GNA12: variants seen among roughly 807,000 people sequenced by gnomAD.
The protein encoded by GNA12 is G protein subunit alpha 12.
A neutral mutation model predicts 26.0 loss-of-function variants in GNA12; 9 were observed. That is an observed-to-expected ratio of 0.35 (90% confidence interval 0.21 to 0.60). The LOEUF (loss-of-function observed/expected upper bound fraction) is 0.60, where lower values mean the gene tolerates loss of function less well. Among genes scored for constraint, GNA12 ranks in the 20% least tolerant of loss-of-function variants. GNA12 has a pLI of 0.78. For synonymous variants in GNA12, 264 were observed against 219.6 expected (o/e 1.20, Z -1.79); for missense variants, 405 against 525.8 (o/e 0.77, Z 2.25).
chr7:2,804,420 G>A lies in GNA12; in HGVS notation c.310-9277C>T, dbSNP rs115859902. 2.6e-3 allele frequency among the ~76,000 whole-genome samples: 403 copies of A among 152,132 alleles called. 4 individuals are homozygous for A. Among genetic ancestry groups the A allele is most frequent in the African/African-American group, 8.7e-3 (363 of 41,508 alleles). ...AAACACACACGCGTGTACATACACC[G>A]GGTTCCTCTGGACTATGGTCTGAGT... On this transcript the variant is annotated intron_variant, in intron 1 of 3. Coordinates refer to ENST00000275364, the MANE Select transcript of GNA12 (RefSeq NM_007353.3).
chr7:2,840,452 C>G (rs538774414), intron 1 of GNA12, among the ~76,000 whole-genome samples: 1 of 152,182 alleles, frequency 6.6e-6, no homozygotes, highest in African/African-American at 2.4e-5. Flanking sequence ...GCACACAGTC[C>G]GTGCTCTAGA....
intron 2 of GNA12, among the ~76,000 whole-genome samples, chr7:2,748,977 G>C (rs1258502497): frequency 6.6e-6 from 1 of 152,214 alleles, no homozygotes; most frequent in Non-Finnish European, 1.5e-5. Flanking sequence ...TTTCACACCA[G>C]TTAGAATGGT....
intron 2 of GNA12, among the ~76,000 whole-genome samples, chr7:2,769,593 C>T (rs1306632194): frequency 1.3e-5 from 2 of 151,958 alleles, no homozygotes; most frequent in African/African-American, 2.4e-5. Context: ...ATTAGCCGGG[C>T]GTGGTGGCAG....
intron 2 of GNA12, among the ~76,000 whole-genome samples, chr7:2,733,717 G>T (rs1423121311): frequency 7.2e-5 from 11 of 152,196 alleles, no homozygotes; most frequent in Non-Finnish European, 1.6e-4. Flanking sequence ...CAACCCCAAG[G>T]TTCAAATTCT....
intron 1 of GNA12, among the ~76,000 whole-genome samples, chr7:2,837,908 T>C (rs966233204): frequency 6.6e-6 from 1 of 152,112 alleles, no homozygotes; most frequent in African/African-American, 2.4e-5. Flanking sequence ...CTACTCCTAA[T>C]GAGTTTTTAA....
At chr7:2,793,119 C>G (rs1160504941) in intron 2 of GNA12, among the ~76,000 whole-genome samples, 1 of 152,148 alleles carries the variant, frequency 6.6e-6, no homozygotes, top group African/African-American at 2.4e-5. Flanking sequence ...ACCAGACAAA[C>G]CCAAACAGGA....
At chr7:2,806,457 C>CAAAAAAAAAAAAAAAAAAAAA (rs34036056) in intron 1 of GNA12, among the ~76,000 whole-genome samples, 6 of 80,700 alleles carry the variant, frequency 7.4e-5, no homozygotes, top group African/African-American at 1.5e-4. Flanking sequence ...GACTCTGTCT[C>CAAAAAAAAAAAAAAAAAAAAA]AAAAAAAAAA....
At chr7:2,801,532 C>G (rs948649673) in intron 1 of GNA12, among the ~76,000 whole-genome samples, 3 of 152,202 alleles carry the variant, frequency 2.0e-5, no homozygotes, top group Non-Finnish European at 4.4e-5. Context: ...CCCAAGCAGG[C>G]TGGAGCTGGT....
At position 2,728,251 on chromosome 7, in the gene GNA12, C is replaced by T. The variant is rs969638194; in HGVS notation, c.*2930G>A. The T allele has an allele frequency of 6.6e-6, 1 of 152,302 alleles. No homozygotes were observed. The highest frequency in any genetic ancestry group is 1.5e-5 in the Non-Finnish European group (1 of 68,028). The allele number at this position is 152,302 out of a possible 1,614,324, so 9.4% of individuals were successfully genotyped here. ...CAACTGACCCGGACCACTACCATTCCAATGGGAGCCTCTGCCTTACAATAC... is the reference window on the plus strand; with the variant it reads ...CAACTGACCCGGACCACTACCATTCTAATGGGAGCCTCTGCCTTACAATAC... On this transcript the variant is annotated 3_prime_UTR_variant, in exon 4 of 4. Transcript: ENST00000275364.
At chr7:2,798,535 T>C (rs1233500043) in intron 1 of GNA12, among the ~76,000 whole-genome samples, 1 of 152,316 alleles carries the variant, frequency 6.6e-6, no homozygotes, top group Admixed American at 6.5e-5. Context: ...CAAAATCTAA[T>C]AGATATACCA....
At chr7:2,834,663 A>T (rs1778778196) in intron 1 of GNA12, among the ~76,000 whole-genome samples, 1 of 152,238 alleles carries the variant, frequency 6.6e-6, no homozygotes, top group Admixed American at 6.5e-5. Context: ...TGTTTTGGTA[A>T]AAGATGAACC....
chr7:2,814,743 C>G lies in GNA12; in HGVS notation c.310-19600G>C, dbSNP rs1583303805. On this transcript the variant is annotated intron_variant, in intron 1 of 3. Coordinates refer to ENST00000275364, the MANE Select transcript of GNA12 (RefSeq NM_007353.3). ...ACTCCTTGCATATAACGGCCTTCCA[C>G]AGAAGTTTATCAGCCTGTCCAACAC... is the stretch of plus-strand genomic sequence containing the variant. 7.7e-5 allele frequency: 61 copies of G among 787,710 alleles called. 1 individual carries two copies. In the East Asian group the frequency reaches 1.7e-3, roughly 21 times the overall value. 48.8% of individuals were successfully genotyped at this position (787,710 alleles called of 1,614,324 possible).
At chr7:2,759,633 G>T (rs944575468) in intron 2 of GNA12, among the ~76,000 whole-genome samples, 7 of 152,212 alleles carry the variant, frequency 4.6e-5, no homozygotes, top group African/African-American at 7.2e-5. Context: ...CTGAGTGGCA[G>T]GTTCAGAGGT....
chr7:2,779,666 T>G (rs1792171848), intron 2 of GNA12, among the ~76,000 whole-genome samples: 1 of 152,136 alleles, frequency 6.6e-6, no homozygotes, highest in Non-Finnish European at 1.5e-5. Flanking sequence ...TGGTGTGATC[T>G]TGGCTCACTA....
At chr7:2,759,375 C>G (rs961132673) in intron 2 of GNA12, among the ~76,000 whole-genome samples, 1 of 152,162 alleles carries the variant, frequency 6.6e-6, no homozygotes, top group Non-Finnish European at 1.5e-5. Context: ...AGGGCCTCCC[C>G]CATATCACCT....
chr7:2,733,569 A>C, intron 2 of GNA12, 68 bp from the exon 3 acceptor site: 1 of 1,249,214 alleles, frequency 8.0e-7, no homozygotes, highest in Non-Finnish European at 1.2e-6. Context: ...AAATACAAGA[A>C]CTGAACAGGG....
chr7:2,781,401 AAAGT>A (rs1280823222), intron 2 of GNA12, among the ~76,000 whole-genome samples: 1 of 108,172 alleles, frequency 9.2e-6, no homozygotes, highest in East Asian at 2.5e-4. Flanking sequence ...AATCCATTTC[AAAGT>A]AAGTGTCTGT....
chr7:2,750,735 G>A (rs1018861718), intron 2 of GNA12, among the ~76,000 whole-genome samples: 1 of 152,148 alleles, frequency 6.6e-6, no homozygotes, highest in Admixed American at 6.5e-5. Flanking sequence ...CACACACACA[G>A]TGTGAAGAGC....
At chr7:2,785,190 G>A (rs1792328195) in intron 2 of GNA12, among the ~76,000 whole-genome samples, 1 of 152,128 alleles carries the variant, frequency 6.6e-6, no homozygotes, top group Admixed American at 6.6e-5. Context: ...GTATCCTCAG[G>A]CAAGAGCCAC....
Sources: gnomAD v4.1 joint callset for allele counts (sites outside exome capture counted in the v4.1 genomes callset) on GRCh38, gnomAD v4.1.1 for gene constraint, MANE v1.5 for transcripts, NCBI Gene and HGNC (gene_info 2026-07-23, HGNC 2026-07-21) for gene names.